Variants in PTDSS2 observed in about 807,000 individuals in gnomAD.
PTDSS2 encodes PSS-2.
In PTDSS2, 41 loss-of-function variants were observed where a neutral mutation model predicts 64.7. The observed-to-expected ratio is 0.63, with a 90% confidence interval of 0.49 to 0.82. PTDSS2 has a LOEUF of 0.82. Ranked by LOEUF, PTDSS2 falls within the 40% of genes least tolerant of loss-of-function variation. The pLI, the probability that PTDSS2 is intolerant of heterozygous loss-of-function variation, is 0.00. For missense variants in PTDSS2, 485 were observed against 650.0 expected (o/e 0.75, Z 2.76); for synonymous variants, 297 against 277.8 (o/e 1.07, Z -0.69).
At chr11:458,440 C>A (rs1251411765) in intron 1 of PTDSS2, among the ~76,000 whole-genome samples, 1 of 150,364 alleles carries the variant, frequency 6.7e-6, no homozygotes, top group Non-Finnish European at 1.5e-5. Context: ...CTCCTGACCT[C>A]GTGATCCGCC....
chr11:473,370 T>G (rs998000896), intron 2 of PTDSS2, among the ~76,000 whole-genome samples: 3 of 152,150 alleles, frequency 2.0e-5, no homozygotes, highest in Non-Finnish European at 1.5e-5. Context: ...TCCTGCCGCG[T>G]TGGAGCAGGG....
chr11:450,479 C>T lies in PTDSS2; in HGVS notation c.24C>T (p.Asp8=), dbSNP rs2133741922. 2 of 1,233,198 alleles carry T rather than the reference C, an allele frequency of 1.6e-6. No individual in the cohort carries two copies. The highest frequency in any genetic ancestry group is 4.1e-5 in the South Asian group (1 of 24,290). The allele number at this position is 1,233,198 out of a possible 1,614,324, so 76.4% of individuals were successfully genotyped here. A position where few individuals can be genotyped will look rare whatever the true frequency, so the allele number is the denominator to read the frequency against. The change falls in exon 1 of 12, where the codon GAC becomes GAT. Residue 8 remains aspartate, a synonymous_variant. Coordinates refer to ENST00000308020, the MANE Select transcript of PTDSS2 (RefSeq NM_030783.3). The part of the protein sequence containing the change: MRRGERR[D]AGGPRPESPV... ...CCATGCGGAGGGGCGAGCGCAGGGA[C>T]GCCGGAGGTCCGCGGCCCGAGTCCC...
At chr11:457,569 G>C (rs894745604) in intron 1 of PTDSS2, among the ~76,000 whole-genome samples, 1 of 152,200 alleles carries the variant, frequency 6.6e-6, no homozygotes, top group African/African-American at 2.4e-5. Context: ...CGTTGAGGTC[G>C]TTGCCAGCAG....
rs1012082108 is a variant in PTDSS2, at chr11:476,077, GCC to G, written c.367+2101_367+2102del. The stretch of plus-strand genomic sequence containing the variant: ...CACCCACAGAGGCCCTGAGCAGGGA[GCC>G]GTCCGGTGACCCAAGCAGGCTGGTC... On this transcript the variant is annotated intron_variant, in intron 3 of 11. Transcript: ENST00000308020. The surrounding 1 kb of genome is among the most constrained non-coding windows in gnomAD (Gnocchi z 4.9). Among the ~76,000 whole-genome samples the G allele has an allele frequency of 2.0e-5, 3 of 152,222 alleles. No homozygotes were observed. Among genetic ancestry groups the G allele is most frequent in the African/African-American group, 7.2e-5 (3 of 41,470 alleles).
intron 9 of PTDSS2, 31 bp downstream of exon 9, chr11:489,545 C>A (rs755122650): frequency 1.2e-6 from 2 of 1,608,952 alleles, no homozygotes; most frequent in Non-Finnish European, 1.7e-6. Context: ...GACGGCGCGG[C>A]GGGCGGGGGG....
intron 4 of PTDSS2, chr11:480,211 C>T (rs1478290667): frequency 1.3e-5 from 2 of 150,112 alleles, no homozygotes; most frequent in African/African-American, 5.0e-5. Context: ...CAGCCTCTTC[C>T]CGCCCTGCAC....
intron 2 of PTDSS2, among the ~76,000 whole-genome samples, chr11:464,249 C>G (rs1847038620): frequency 6.6e-6 from 1 of 152,198 alleles, no homozygotes; most frequent in Admixed American, 6.5e-5. Context: ...TCCCAAATTG[C>G]TAGGATTACA....
chr11:480,248 A>C (rs1220149202), intron 4 of PTDSS2: 1 of 126,268 alleles, frequency 7.9e-6, no homozygotes, highest in African/African-American at 3.1e-5. Context: ...ACCCAGGATC[A>C]TGCGGTGTGC....
In PTDSS2 at chr11:476,488, C is replaced by T. The variant is rs1847809856; in HGVS notation, c.367+2511C>T. Among the ~76,000 whole-genome samples the T allele has an allele frequency of 6.6e-6, 1 of 152,156 alleles. No homozygotes were observed. The highest frequency in any genetic ancestry group is 2.4e-5 in the African/African-American group (1 of 41,432). On this transcript the variant is annotated intron_variant, in intron 3 of 11. Transcript: ENST00000308020. The surrounding 1 kb of genome is among the most constrained non-coding windows in gnomAD (Gnocchi z 4.9). ...GAAGCTCAACCCATGGCCGTCCTTG[C>T]TTGGAGATGCACCAAATCCCTCCTG...
chr11:456,960 C>T (rs1846624583), intron 1 of PTDSS2, among the ~76,000 whole-genome samples: 1 of 152,142 alleles, frequency 6.6e-6, no homozygotes, highest in Admixed American at 6.6e-5. Flanking sequence ...TAAAATATGG[C>T]AGAAGAATTC....
At chr11:489,817 C>T in intron 10 of PTDSS2, 66 bp from the exon 11 acceptor site, 1 of 1,550,648 alleles carries the variant, frequency 6.4e-7, no homozygotes, top group Non-Finnish European at 8.7e-7. Flanking sequence ...GAGGCCGGAG[C>T]CTGGGCAAGT....
chr11:487,288 G>A (rs544368378), intron 5 of PTDSS2, 132 bp from the exon 6 acceptor site: 75 of 1,014,462 alleles, frequency 7.4e-5, no homozygotes, highest in African/African-American at 2.2e-4. Flanking sequence ...CACAGGCCAC[G>A]GCAGCACCTG....
rs1331393427 is a variant in PTDSS2, at chr11:457,501, G to A, written c.183-2686G>A. Among the ~76,000 whole-genome samples the A allele has an allele frequency of 2.6e-5, 4 of 152,256 alleles. No individual in the cohort carries two copies. In the East Asian group the frequency reaches 5.8e-4, roughly 22 times the overall value. On this transcript the variant is annotated intron_variant, in intron 1 of 11. Coordinates refer to ENST00000308020, the MANE Select transcript of PTDSS2 (RefSeq NM_030783.3). ...TGCCCCGGCTGGTCTTGAGCTCCTG[G>A]CCCAAAACAGTCCTCCTGCCTGGGC...
chr11:455,470 GC>G (rs1270339080), intron 1 of PTDSS2, among the ~76,000 whole-genome samples: 1 of 152,160 alleles, frequency 6.6e-6, no homozygotes, highest in Non-Finnish European at 1.5e-5. Context: ...TGTGCTGTGG[GC>G]CCTTGGCGGG....
upstream of PTDSS2, among the ~76,000 whole-genome samples, chr11:449,068 A>AT (rs33967553): frequency 0.34 from 45,801 of 136,038 alleles, 8,414 homozygotes; most frequent in African/African-American, 0.4. Flanking sequence ...TTCACCTAGC[A>AT]TTTTTTTTTT....
intron 8 of PTDSS2, 94 bp from the exon 9 acceptor site, chr11:489,306 G>T: frequency 2.9e-6 from 3 of 1,045,032 alleles, no homozygotes; most frequent in East Asian, 2.5e-5. Flanking sequence ...GGCACAGGGC[G>T]GGGCCGGGTG....
chr11:487,140 T>C, intron 5 of PTDSS2, 67 bp downstream of exon 5: 1 of 1,439,144 alleles, frequency 6.9e-7, no homozygotes, highest in Non-Finnish European at 9.6e-7. Flanking sequence ...CCAGGCGCCA[T>C]CCACGCTCCT....
At chr11:459,143 C>G (rs112689625) in intron 1 of PTDSS2, 15 of 103,232 alleles carry the variant, frequency 1.5e-4, no homozygotes, top group African/African-American at 6.9e-4. Context: ...AGGACACACT[C>G]CGGTGGATGT....
chr11:476,772 G>A lies in PTDSS2; in HGVS notation c.368-2313G>A. Among the ~76,000 whole-genome samples the A allele has an allele frequency of 6.6e-6, 1 of 152,200 alleles. No individual in the cohort carries two copies. Among genetic ancestry groups the A allele is most frequent in the East Asian group, 1.9e-4 (1 of 5,194 alleles). On this transcript the variant is annotated intron_variant, in intron 3 of 11. Coordinates refer to ENST00000308020, the MANE Select transcript of PTDSS2 (RefSeq NM_030783.3). The surrounding 1 kb of genome is among the most constrained non-coding windows in gnomAD (Gnocchi z 4.9). The stretch of plus-strand genomic sequence containing the variant: ...CGTCCCCTCCCACTGGGCAGGACTG[G>A]GGGTTCCTGGGGTGTTCAGTTTTTA...
Sources: allele counts gnomAD v4.1 joint callset (sites outside exome capture counted in the v4.1 genomes callset), GRCh38; gene constraint gnomAD v4.1.1; non-coding constraint Gnocchi (gnomAD v3.1); transcripts MANE v1.5; gene names NCBI Gene and HGNC (gene_info 2026-07-23, HGNC 2026-07-21).